Variants in TG observed in about 807,000 individuals in gnomAD.
TG encodes the protein thyroglobulin.
TG carries 270 observed loss-of-function variants against 324.7 expected under a neutral mutation model. The ratio of observed to expected loss-of-function variants is 0.83; its 90% CI spans 0.75 to 0.92. The LOEUF is 0.92. Among genes scored for constraint, TG ranks in the 40% least tolerant of loss-of-function variants. The pLI is 0.00. For synonymous variants in TG, 1,401 were observed against 1,327.0 expected, an observed-to-expected ratio of 1.06 and a Z score of -1.21; for missense variants, 3,591 against 3,456.4, an observed-to-expected ratio of 1.04 and a Z score of -0.98.
At chr8:132,908,913 C>T (rs557357928) in intron 18 of TG, among the ~76,000 whole-genome samples, 8 of 152,102 alleles carry the variant, frequency 5.3e-5, no homozygotes, top group South Asian at 4.1e-4. Context: ...AGAGGAACCC[C>T]TGCAGAGGAA....
chr8:132,970,195 T>C (rs1355430709), intron 32 of TG, among the ~76,000 whole-genome samples: 2 of 152,164 alleles, frequency 1.3e-5, no homozygotes, highest in Admixed American at 6.5e-5. Flanking sequence ...CATATACATA[T>C]AAATAATTTT....
At chr8:133,062,019 G>A (rs550508060) in intron 41 of TG, among the ~76,000 whole-genome samples, 2 of 152,290 alleles carry the variant, frequency 1.3e-5, no homozygotes, top group South Asian at 2.1e-4. Context: ...GTAATATTCC[G>A]AAGACAATGA....
intron 39 of TG, 97 bp downstream of exon 39, chr8:133,019,792 G>A: frequency 2.9e-6 from 3 of 1,031,170 alleles, no homozygotes; most frequent in Non-Finnish European, 2.9e-6. Context: ...CTCCTCCTCT[G>A]TGGCCTGCTG....
Position 132,873,105 on chromosome 8 carries a change from G to C in TG, c.522G>C (p.Gly174=). 6.2e-7 allele frequency: 1 copy of C among 1,614,174 alleles called. No homozygotes were observed. Among genetic ancestry groups the C allele is most frequent in the South Asian group, 1.1e-5 (1 of 91,072 alleles). ...CEIRNRRLLH[G]VGDKSPPQCS... is the part of the protein sequence containing the mutation. ...TAAGAAATCGTCGTCTTCTCCACGG[G>C]GTGGGAGATAAGTCACCACCCCAGT... Residue 174 remains glycine, a synonymous_variant, in exon 5 of 48, where the codon GGG becomes GGC. Transcript: ENST00000220616.
intron 41 of TG, chr8:133,074,977 G>A (rs781693711): frequency 1.6e-5 from 16 of 985,360 alleles, no homozygotes; most frequent in Middle Eastern, 5.2e-4. Flanking sequence ...GGCTTCTCGC[G>A]GTTGTGGAGA....
At chr8:133,008,235 T>C (rs563121819) in intron 35 of TG, among the ~76,000 whole-genome samples, 1 of 152,288 alleles carries the variant, frequency 6.6e-6, no homozygotes, top group South Asian at 2.1e-4. Context: ...AAAGAATGAA[T>C]AGCCAAGGAG....
intron 41 of TG, among the ~76,000 whole-genome samples, chr8:133,071,212 A>C (rs917034432): frequency 6.6e-6 from 1 of 152,168 alleles, no homozygotes; most frequent in Non-Finnish European, 1.5e-5. Flanking sequence ...TGTACTCTCC[A>C]CTTGACCTCC....
At chr8:132,967,119 A>ATCCG (rs1161491337) in intron 30 of TG, among the ~76,000 whole-genome samples, 103 of 142,462 alleles carry the variant, frequency 7.2e-4, no homozygotes, top group African/African-American at 2.7e-3. Flanking sequence ...CGATCCATCC[A>ATCCG]TCCATCCATC....
At chr8:132,948,708 G>A in intron 26 of TG, 68 bp from the exon 27 acceptor site, 2 of 1,536,638 alleles carry the variant, frequency 1.3e-6, no homozygotes, top group African/African-American at 2.7e-5. Flanking sequence ...TGCTCTCAGG[G>A]GACAGAGAAG....
At position 132,947,491 on chromosome 8, in the gene TG, T is replaced by C. The variant is rs79681818; in HGVS notation, c.5234-1285T>C. ...GCCAGCAGAAGAGAAAAGGACACAA[T>C]GTGAAATTTTTAAGCCAGACATCCA... On this transcript the variant is annotated intron_variant, in intron 26 of 47. Transcript: ENST00000220616. Among the ~76,000 whole-genome samples the C allele has an allele frequency of 7.2e-3, 1,089 of 152,248 alleles. 7 individuals carry two copies. The highest frequency in any genetic ancestry group is 0.012 in the Non-Finnish European group (846 of 68,018).
chr8:132,887,675 T>G (rs1044614617), intron 9 of TG, 127 bp downstream of exon 9: 2 of 1,280,060 alleles, frequency 1.6e-6, no homozygotes, highest in Admixed American at 1.8e-5. Context: ...CAAAATTGAC[T>G]GCTTATATTA....
intron 29 of TG, among the ~76,000 whole-genome samples, chr8:132,963,968 C>T (rs1429813085): frequency 6.6e-6 from 1 of 152,022 alleles, no homozygotes; most frequent in East Asian, 1.9e-4. Context: ...ATCTTGTCTA[C>T]CTCTTATCCC....
chr8:133,053,080 T>C (rs1244729397), intron 41 of TG, among the ~76,000 whole-genome samples: 2 of 152,190 alleles, frequency 1.3e-5, no homozygotes, highest in Admixed American at 1.3e-4. Context: ...AGCCTCCGGA[T>C]AGGCTGTTCC....
Position 132,893,703 on chromosome 8 carries a change from T to G in TG, c.2775T>G (p.Cys925Trp). ...PSKLPTCPGS[C>W]EEAKLRVLQF... ...TTATTCCCCTAGGTCCTGGCTCCTG[T>G]GAGGAAGCAAAGCTCCGTGTACTGC... Residue 925 changes from cysteine to tryptophan, a missense_variant, in exon 11 of 48, where the codon TGT (cysteine) becomes TGG (tryptophan). Physicochemically the swap from Cys to Trp is radical, Grantham distance 215 (BLOSUM62 -2). Transcript: ENST00000220616. The G allele has an allele frequency of 6.2e-7, 1 of 1,613,828 alleles. No homozygotes were observed. Among genetic ancestry groups the G allele is most frequent in the Non-Finnish European group, 8.5e-7 (1 of 1,179,860 alleles).
chr8:133,122,990 G>A (rs1398415576), intron 45 of TG, among the ~76,000 whole-genome samples: 1 of 152,010 alleles, frequency 6.6e-6, no homozygotes, highest in Non-Finnish European at 1.5e-5. Context: ...ATAACCCTTT[G>A]TTGTGGGAGG....
chr8:133,070,019 AAAAAAAAG>A lies in TG; in HGVS notation c.7240-25021_7240-25014del, dbSNP rs1449705377. ...CCAGCTCCAAAAAAAAAAAAAAAAA[AAAAAAAAG>A]AAAGAAAGAAAGAAAAGAAAAGAAG... On this transcript the variant is annotated intron_variant, in intron 41 of 47. Coordinates refer to ENST00000220616, the MANE Select transcript of TG (RefSeq NM_003235.5). Among the ~76,000 whole-genome samples, 121 of 95,740 alleles carry A rather than the reference AAAAAAAAG, an allele frequency of 1.3e-3. 11 individuals carry two copies. Among genetic ancestry groups the A allele is most frequent in the African/African-American group, 4.0e-3 (120 of 29,640 alleles). 62.8% of individuals were successfully genotyped at this position (95,740 alleles called of 152,430 possible).
chr8:132,907,248 G>T (rs1393139107), intron 17 of TG, among the ~76,000 whole-genome samples: 1 of 152,114 alleles, frequency 6.6e-6, no homozygotes, highest in Non-Finnish European at 1.5e-5. Flanking sequence ...ATGCTCAGCA[G>T]CTCTGACATG....
At chr8:132,952,036 G>A (rs779756765) in intron 27 of TG, among the ~76,000 whole-genome samples, 1 of 152,182 alleles carries the variant, frequency 6.6e-6, no homozygotes, top group Non-Finnish European at 1.5e-5. Context: ...CTGGGGACTG[G>A]CCTCTTCATC....
intron 13 of TG, 39 bp from the exon 14 acceptor site, chr8:132,898,759 C>T (rs1236072348): frequency 1.9e-6 from 3 of 1,598,132 alleles, no homozygotes; most frequent in Non-Finnish European, 2.6e-6. Flanking sequence ...CTCTTGGCTC[C>T]CACGACCAGT....
Sources: allele counts gnomAD v4.1 joint callset (sites outside exome capture counted in the v4.1 genomes callset), GRCh38; gene constraint gnomAD v4.1.1; transcripts MANE v1.5; gene names NCBI Gene and HGNC (gene_info 2026-07-23, HGNC 2026-07-21).